Variants in NFYC observed in about 807,000 individuals in gnomAD.
NFYC encodes the protein nuclear transcription factor Y subunit gamma.
Under a neutral mutation model 53.1 loss-of-function variants are expected in NFYC, and 25 were observed. The ratio of observed to expected loss-of-function variants is 0.47; its 90% CI spans 0.34 to 0.66. NFYC has a LOEUF of 0.66. NFYC is among the 30% of genes least tolerant of loss of function. The probability of loss-of-function intolerance (pLI) is 0.01; values close to 1 mark genes in which losing one functional copy is unlikely to be tolerated. For missense variants in NFYC, 260 were observed against 422.7 expected, an observed-to-expected ratio of 0.62 and a Z score of 3.38; for synonymous variants, 145 against 152.6, an observed-to-expected ratio of 0.95 and a Z score of 0.37.
At chr1:40,747,244 G>GAAA (rs11377810) in intron 2 of NFYC, among the ~76,000 whole-genome samples, 19 of 133,872 alleles carry the variant, frequency 1.4e-4, no homozygotes, top group East Asian at 2.1e-4. Flanking sequence ...TTGTGCTGAC[G>GAAA]AAAAAAAAAA....
intron 1 of NFYC, among the ~76,000 whole-genome samples, chr1:40,728,008 G>A (rs769891796): frequency 3.9e-5 from 6 of 151,926 alleles, no homozygotes; most frequent in Non-Finnish European, 7.4e-5. Flanking sequence ...GTGTGATCTC[G>A]GATCACTGCA....
chr1:40,730,223 A>C (rs927637595), intron 1 of NFYC, among the ~76,000 whole-genome samples: 8 of 105,438 alleles, frequency 7.6e-5, no homozygotes, highest in Non-Finnish European at 1.5e-4. Context: ...TTTTTGGTAG[A>C]GATAGGGGGT....
At chr1:40,741,814 G>A (rs535920661) in intron 2 of NFYC, among the ~76,000 whole-genome samples, 1 of 152,116 alleles carries the variant, frequency 6.6e-6, no homozygotes, top group South Asian at 2.1e-4. Context: ...ATGTTACCCT[G>A]GCTGGTCTCA....
intron 1 of NFYC, among the ~76,000 whole-genome samples, chr1:40,695,389 C>G (rs758850780): frequency 2.0e-5 from 3 of 152,094 alleles, no homozygotes; most frequent in Non-Finnish European, 4.4e-5. Context: ...CCATTCTGTG[C>G]TATGGAGCTA....
intron 1 of NFYC, among the ~76,000 whole-genome samples, chr1:40,703,993 G>C (rs541887909): frequency 2.0e-5 from 3 of 152,076 alleles, no homozygotes; most frequent in Non-Finnish European, 4.4e-5. Context: ...CCAACCAAGA[G>C]CAAAATTCTC....
chr1:40,762,509 C>G (rs1315608898), intron 6 of NFYC, among the ~76,000 whole-genome samples: 1 of 152,208 alleles, frequency 6.6e-6, no homozygotes, highest in Non-Finnish European at 1.5e-5. Flanking sequence ...CCAAATTCAC[C>G]TGCCCCAGAC....
At chr1:40,744,834 G>A (rs1361778144) in intron 2 of NFYC, among the ~76,000 whole-genome samples, 1 of 152,102 alleles carries the variant, frequency 6.6e-6, no homozygotes. Flanking sequence ...AAGTTTCGTG[G>A]GCCTCAATCT....
chr1:40,700,204 A>G (rs1008203), intron 1 of NFYC, among the ~76,000 whole-genome samples: 47,598 of 152,144 alleles, frequency 0.31, 8,125 homozygotes, highest in East Asian at 0.41. Flanking sequence ...ATCTAATCCA[A>G]TGCCCAATAA....
At chr1:40,764,684 G>T (rs2148788054) in intron 7 of NFYC, among the ~76,000 whole-genome samples, 1 of 152,284 alleles carries the variant, frequency 6.6e-6, no homozygotes, top group Non-Finnish European at 1.5e-5. Context: ...TCTTTAGGCA[G>T]CTCATTGGAA....
intron 1 of NFYC, among the ~76,000 whole-genome samples, chr1:40,713,396 A>G (rs986076728): frequency 2.6e-5 from 4 of 152,252 alleles, no homozygotes; most frequent in Non-Finnish European, 5.9e-5. Context: ...GTGTAGGTTT[A>G]AAAACAGCAA....
At chr1:40,753,682 G>C (rs1288425139) in intron 5 of NFYC, among the ~76,000 whole-genome samples, 1 of 152,084 alleles carries the variant, frequency 6.6e-6, no homozygotes, top group Non-Finnish European at 1.5e-5. Flanking sequence ...TCTTTATATA[G>C]TACCCTGACT....
At chr1:40,713,064 C>G (rs1005571187) in intron 1 of NFYC, among the ~76,000 whole-genome samples, 1 of 152,104 alleles carries the variant, frequency 6.6e-6, no homozygotes, top group Admixed American at 6.6e-5. Context: ...CATCAGAAAT[C>G]TAACATAAAT....
chr1:40,770,274 G>C lies in NFYC; in HGVS notation c.889-435G>C, dbSNP rs3754176. 2.1e-6 allele frequency: 2 copies of C among 944,934 alleles called. No individual in the cohort carries two copies. Among genetic ancestry groups the C allele is most frequent in the Non-Finnish European group, 3.1e-6 (2 of 645,730 alleles). The allele number at this position is 944,934 out of a possible 1,614,324, so 58.5% of individuals were successfully genotyped here. On this transcript the variant is annotated intron_variant, in intron 9 of 9. Coordinates refer to ENST00000447388, the MANE Select transcript of NFYC (RefSeq NM_014223.5). The surrounding 1 kb of genome is among the most constrained non-coding windows in gnomAD (Gnocchi z 5.3). ...AGTTTCAACCTGAGCCAGATATTCT[G>C]AGAAAAGAAGGAGAGGAGGGGGTAA...
intron 7 of NFYC, among the ~76,000 whole-genome samples, chr1:40,763,672 T>C (rs1023443581): frequency 3.9e-5 from 6 of 152,090 alleles, no homozygotes; most frequent in African/African-American, 1.4e-4. Context: ...TATATATGCG[T>C]GTGTGTGTTT....
In NFYC at chr1:40,770,215, A is replaced by T; in HGVS notation, c.889-494A>T. On this transcript the variant is annotated intron_variant, in intron 9 of 9. Transcript: ENST00000447388. This position sits in a 1 kb window ranked among gnomAD's most constrained non-coding sequence, Gnocchi z 5.3. ...GTGTTTAATACCAGGCCACCTCCTT[A>T]GCAGGGTCCATGGAGAAAATTCAAA... The T allele has an allele frequency of 1.5e-6, 1 of 651,706 alleles. No homozygotes were observed. Among genetic ancestry groups the T allele is most frequent in the Non-Finnish European group, 2.6e-6 (1 of 385,024 alleles). 40.4% of individuals were successfully genotyped at this position (651,706 alleles called of 1,614,324 possible).
intron 6 of NFYC, among the ~76,000 whole-genome samples, chr1:40,760,479 G>T (rs11208828): frequency 1.3e-5 from 2 of 151,910 alleles, no homozygotes; most frequent in East Asian, 1.9e-4. Flanking sequence ...CCAGTACTTT[G>T]GGAGGCCGAG....
chr1:40,769,766 T>C (rs943577281), intron 9 of NFYC, among the ~76,000 whole-genome samples: 1 of 152,228 alleles, frequency 6.6e-6, no homozygotes, highest in East Asian at 1.9e-4. Flanking sequence ...TGTATTTTTT[T>C]CCCCTCTAAG....
intron 1 of NFYC, among the ~76,000 whole-genome samples, chr1:40,713,775 C>T (rs528246314): frequency 1.4e-4 from 21 of 152,190 alleles, no homozygotes; most frequent in African/African-American, 4.6e-4. Context: ...TTCTTTTATT[C>T]CTCTAGGTTG....
Position 40,728,134 on chromosome 1 carries a change from G to A in NFYC, c.-8-10702G>A, listed in dbSNP as rs150996784. ...TCATTATGTTGGCCAGGATGGTCTCGAACTCCTGACCTCAGGTGATCCTTC... is the reference window on the plus strand; with the variant it reads ...TCATTATGTTGGCCAGGATGGTCTCAAACTCCTGACCTCAGGTGATCCTTC... On this transcript the variant is annotated intron_variant, in intron 1 of 9. Transcript: ENST00000447388. Among the ~76,000 whole-genome samples, 966 of 151,738 alleles carry A rather than the reference G, an allele frequency of 6.4e-3. 13 individuals carry two copies. The highest frequency in any genetic ancestry group is 0.022 in the African/African-American group (920 of 41,384).
Sources: allele counts gnomAD v4.1 joint callset (sites outside exome capture counted in the v4.1 genomes callset), GRCh38; gene constraint gnomAD v4.1.1; non-coding constraint Gnocchi (gnomAD v3.1); transcripts MANE v1.5; gene names NCBI Gene and HGNC (gene_info 2026-07-23, HGNC 2026-07-21).